The following KLF4 variants were observed in gnomAD, a reference collection of about 807,000 sequenced individuals.
The protein encoded by KLF4 is Krueppel-like factor 4.
Under a neutral mutation model 38.0 loss-of-function variants are expected in KLF4, and 14 were observed. The ratio of observed to expected loss-of-function variants is 0.37; its 90% CI spans 0.24 to 0.58. The LOEUF is 0.58. KLF4 is among the 20% of genes least tolerant of loss of function. The pLI is 0.76. For synonymous variants in KLF4, 398 were observed against 302.5 expected, an observed-to-expected ratio of 1.32 and a Z score of -3.28; for missense variants, 737 against 670.1, an observed-to-expected ratio of 1.10 and a Z score of -1.10.
chr9:107,486,269 G>A (rs1336111223), intron 4 of KLF4, among the ~76,000 whole-genome samples: 1 of 152,128 alleles, frequency 6.6e-6, no homozygotes, highest in Non-Finnish European at 1.5e-5. Context: ...TTTGGAAATT[G>A]TGATTGGTAG....
At position 107,489,221 on chromosome 9, in the gene KLF4, C is replaced by G; in HGVS notation, c.-49G>C. On this transcript the variant is annotated 5_prime_UTR_variant, in exon 1 of 5. Transcript: ENST00000374672. ...TCGGCAGCCCGAAGCAGCTGGGGCACCTGAACCCCAAAGTCAACGAAGAGA... is the reference window on the plus strand; with the variant it reads ...TCGGCAGCCCGAAGCAGCTGGGGCAGCTGAACCCCAAAGTCAACGAAGAGA... 2.1e-6 allele frequency: 3 copies of G among 1,450,898 alleles called. No individual in the cohort carries two copies. The highest frequency in any genetic ancestry group is 2.7e-6 in the Non-Finnish European group (3 of 1,099,332). 89.9% of individuals were successfully genotyped at this position (1,450,898 alleles called of 1,614,324 possible).
chr9:107,486,962 AGT>A, intron 4 of KLF4, 64 bp downstream of exon 4: 1 of 1,611,894 alleles, frequency 6.2e-7, no homozygotes, highest in Admixed American at 1.7e-5. Flanking sequence ...GGCACTGAGG[AGT>A]GTCCACTGGT....
chr9:107,488,313 T>G lies in KLF4; in HGVS notation c.127-46A>C. 6.6e-7 allele frequency: 1 copy of G among 1,511,632 alleles called. No homozygotes were observed. The highest frequency in any genetic ancestry group is 8.8e-7 in the Non-Finnish European group (1 of 1,133,888). The allele number at this position is 1,511,632 out of a possible 1,614,324, so 93.6% of individuals were successfully genotyped here. A position where few individuals can be genotyped will look rare whatever the true frequency, so the allele number is the denominator to read the frequency against. On this transcript the variant is annotated intron_variant, in intron 2 of 4. Coordinates refer to ENST00000374672, the MANE Select transcript of KLF4 (RefSeq NM_004235.6). This position sits in a 1 kb window ranked among gnomAD's most constrained non-coding sequence, Gnocchi z 5.7. ...AGACCTGTCAGTGGTGGTCCCCTGT[T>G]GCCACCCGACATACTGACGTGCTGG...
At position 107,489,323 on chromosome 9, in the gene KLF4, C is replaced by G. The variant is rs755216266; in HGVS notation, c.-151G>C. The G allele has an allele frequency of 3.6e-5, 40 of 1,113,070 alleles. No individual in the cohort carries two copies. Among genetic ancestry groups the G allele is most frequent in the Non-Finnish European group, 4.3e-5 (36 of 830,892 alleles). The allele number at this position is 1,113,070 out of a possible 1,614,324, so 68.9% of individuals were successfully genotyped here. On this transcript the variant is annotated 5_prime_UTR_variant, in exon 1 of 5. Transcript: ENST00000374672. ...TGGATTAAATATAACTTGGAAGCGT[C>G]TTTTTTAAAAAGTTCCTTTGTATAC...
rs1587922888 is a variant in KLF4, at chr9:107,488,807, G to A, written c.126+123C>T. On this transcript the variant is annotated intron_variant, in intron 2 of 4. Transcript: ENST00000374672. This position sits in a 1 kb window ranked among gnomAD's most constrained non-coding sequence, Gnocchi z 5.7. ...GAAGCTATCCCGGGAAGGTTGCGGA[G>A]TCCGCGCGGTGGCCGCTCCTTACCC... 2 of 1,347,656 alleles carry A rather than the reference G, an allele frequency of 1.5e-6. No homozygotes were observed. Among genetic ancestry groups the A allele is most frequent in the African/African-American group, 1.5e-5 (1 of 68,330 alleles). The allele number at this position is 1,347,656 out of a possible 1,614,324, so 83.5% of individuals were successfully genotyped here. A position where few individuals can be genotyped will look rare whatever the true frequency, so the allele number is the denominator to read the frequency against.
At position 107,485,958 on chromosome 9, in the gene KLF4, C is replaced by G. The variant is rs531866803; in HGVS notation, c.1265-32G>C. On this transcript the variant is annotated intron_variant, in intron 4 of 4. Coordinates refer to ENST00000374672, the MANE Select transcript of KLF4 (RefSeq NM_004235.6). The surrounding 1 kb of genome is among the most constrained non-coding windows in gnomAD (Gnocchi z 4.9). ...AGGTAAAAGAAAAAAAAAATTGACG[C>G]TATTGCTATATCAAAGAATCGCCCC... is the stretch of plus-strand genomic sequence containing the variant. 9 of 1,589,810 alleles carry G rather than the reference C, an allele frequency of 5.7e-6. No individual in the cohort carries two copies. Among genetic ancestry groups the G allele is most frequent in the Non-Finnish European group, 7.7e-6 (9 of 1,169,946 alleles).
In KLF4 at chr9:107,488,905, C is replaced by A; in HGVS notation, c.126+25G>T. The stretch of plus-strand genomic sequence containing the variant: ...CACCCACGAAAACCCACCGGGCGTT[C>A]CCGGCGGCCCGGAGCGATACTCACG... On this transcript the variant is annotated intron_variant, in intron 2 of 4. Transcript: ENST00000374672. The surrounding 1 kb of genome is among the most constrained non-coding windows in gnomAD (Gnocchi z 5.7). The A allele has an allele frequency of 6.5e-7, 1 of 1,545,162 alleles. No individual in the cohort carries two copies. Among genetic ancestry groups the A allele is most frequent in the Non-Finnish European group, 8.8e-7 (1 of 1,142,670 alleles).
At position 107,488,290 on chromosome 9, in the gene KLF4, A is replaced by G; in HGVS notation, c.127-23T>C. The G allele has an allele frequency of 6.4e-7, 1 of 1,564,830 alleles. No homozygotes were observed. The highest frequency in any genetic ancestry group is 8.6e-7 in the Non-Finnish European group (1 of 1,158,936). ...GCGCTGCGGGGACAGGGCGGGAGAG[A>G]CCTGTCAGTGGTGGTCCCCTGTTGC... On this transcript the variant is annotated intron_variant, in intron 2 of 4. Transcript: ENST00000374672. The surrounding 1 kb of genome is among the most constrained non-coding windows in gnomAD (Gnocchi z 5.7).
chr9:107,485,817 G>A lies in KLF4; in HGVS notation c.1374C>T (p.Cys458=). The A allele has an allele frequency of 6.2e-7, 1 of 1,609,026 alleles. No individual in the cohort carries two copies. Among genetic ancestry groups the A allele is most frequent in the Non-Finnish European group, 8.5e-7 (1 of 1,178,416 alleles). Residue 458 remains cysteine (C), a synonymous_variant, in exon 5 of 5, where the codon TGC becomes TGT. Transcript: ENST00000374672. The surrounding 1 kb of genome is among the most constrained non-coding windows in gnomAD (Gnocchi z 4.9). ...TGGAAAATGCTCGGTCGCATTTTTG[G>A]CACTGGAACGGGCGGTGCCCCGTGT... The part of the protein sequence containing the change: ...RKHTGHRPFQ[C]QKCDRAFSRS...
At position 107,488,697 on chromosome 9, in the gene KLF4, C is replaced by CG. The variant is rs1329482487; in HGVS notation, c.126+232dup. On this transcript the variant is annotated intron_variant, in intron 2 of 4. Transcript: ENST00000374672. This position sits in a 1 kb window ranked among gnomAD's most constrained non-coding sequence, Gnocchi z 5.7. ...GCGCCCGCCCTACCGACAGCGCGCC[C>CG]GGGGACTGGTGAAGACCCGGCTTGC... Among the ~76,000 whole-genome samples, 1 of 152,164 alleles carries CG rather than the reference C, an allele frequency of 6.6e-6. No homozygotes were observed. Among genetic ancestry groups the CG allele is most frequent in the Non-Finnish European group, 1.5e-5 (1 of 68,018 alleles).
In KLF4 at chr9:107,488,327, C is replaced by T. The variant is rs112583783; in HGVS notation, c.127-60G>A. On this transcript the variant is annotated intron_variant, in intron 2 of 4. Transcript: ENST00000374672. This position sits in a 1 kb window ranked among gnomAD's most constrained non-coding sequence, Gnocchi z 5.7. Reference sequence around the variant, plus strand: ...TGGTCCCCTGTTGCCACCCGACATACTGACGTGCTGGCGGGCCACGCGCGA... The same window carrying T: ...TGGTCCCCTGTTGCCACCCGACATATTGACGTGCTGGCGGGCCACGCGCGA... The T allele has an allele frequency of 8.4e-5, 124 of 1,481,654 alleles. No homozygotes were observed. The Middle Eastern group carries it at 2.0e-3, about 24-fold the overall frequency. The allele number at this position is 1,481,654 out of a possible 1,614,324, so 91.8% of individuals were successfully genotyped here. A position where few individuals can be genotyped will look rare whatever the true frequency, so the allele number is the denominator to read the frequency against.
chr9:107,485,676 T>C lies in KLF4; in HGVS notation c.*75A>G, dbSNP rs1564293329. The C allele has an allele frequency of 2.9e-6, 4 of 1,383,950 alleles. No homozygotes were observed. In the South Asian group the frequency reaches 6.1e-5, roughly 21 times the overall value. The allele number at this position is 1,383,950 out of a possible 1,614,324, so 85.7% of individuals were successfully genotyped here. A position where few individuals can be genotyped will look rare whatever the true frequency, so the allele number is the denominator to read the frequency against. ...CTTTCTGGCTGGGCTCCTTCCCTCA[T>C]CGGGAAGACAGTGTGAAAAGTAAAA... On this transcript the variant is annotated 3_prime_UTR_variant, in exon 5 of 5. Transcript: ENST00000374672. This position sits in a 1 kb window ranked among gnomAD's most constrained non-coding sequence, Gnocchi z 4.9.
rs757107209 is a variant in KLF4 at position 107,487,546 on chromosome 9, G to A, written c.848C>T (p.Ser283Phe). The A allele has an allele frequency of 2.6e-6, 4 of 1,566,944 alleles. No individual in the cohort carries two copies. Among genetic ancestry groups the A allele is most frequent in the East Asian group, 2.3e-5 (1 of 44,312 alleles). The change falls in exon 3 of 5, where the codon TCT becomes TTT. Residue 283 changes from serine to phenylalanine, a missense_variant. Around this residue, in one of 2 missense-constraint regions of KLF4, gnomAD observed 695 missense variants for 554.5 expected, o/e 1.25. Coordinates refer to ENST00000374672, the MANE Select transcript of KLF4 (RefSeq NM_004235.6). This position sits in a 1 kb window ranked among gnomAD's most constrained non-coding sequence, Gnocchi z 6.1. ...TCPKIKQEAV[S>F]SCTHLGAGPP... ...TCCAGCGCCCAAGTGGGTGCACGAAGAGACCGCCTCCTGCTTGATCTTGGG... is the reference window on the plus strand; with the variant it reads ...TCCAGCGCCCAAGTGGGTGCACGAAAAGACCGCCTCCTGCTTGATCTTGGG...
Position 107,488,960 on chromosome 9 carries a change from C to G in KLF4, c.96G>C (p.Lys32Asn). 6.4e-7 allele frequency: 1 copy of G among 1,563,248 alleles called. No individual in the cohort carries two copies. The highest frequency in any genetic ancestry group is 8.7e-7 in the Non-Finnish European group (1 of 1,153,312). ...TCGGGGCACCTGCTTGACGCAGTGT[C>G]TTCTCCCTTCCCGCCGGGCCAGACG... ...TFASGPAGRE[K>N]TLRQAGAPNN... is the part of the protein sequence containing the mutation. The change falls in exon 2 of 5, where the codon AAG becomes AAC. Residue 32 changes from lysine (K) to asparagine (N), a missense_variant. Coordinates refer to ENST00000374672, the MANE Select transcript of KLF4 (RefSeq NM_004235.6). The surrounding 1 kb of genome is among the most constrained non-coding windows in gnomAD (Gnocchi z 5.7).
Position 107,485,062 on chromosome 9 carries a change from G to A in KLF4, c.*689C>T, listed in dbSNP as rs1829036870. Reference sequence around the variant, plus strand: ...AAGGCATACTTGGGAATAAACCATTGTACAAATTATTGCACATCTGAAACC... The same window carrying A: ...AAGGCATACTTGGGAATAAACCATTATACAAATTATTGCACATCTGAAACC... On this transcript the variant is annotated 3_prime_UTR_variant, in exon 5 of 5. Transcript: ENST00000374672. The surrounding 1 kb of genome is among the most constrained non-coding windows in gnomAD (Gnocchi z 4.9). 1 of 202,702 alleles carries A rather than the reference G, an allele frequency of 4.9e-6. No homozygotes were observed. 12.6% of individuals were successfully genotyped at this position (202,702 alleles called of 1,614,324 possible). A position where few individuals can be genotyped will look rare whatever the true frequency, so the allele number is the denominator to read the frequency against.
chr9:107,488,404 AG>A lies in KLF4; in HGVS notation c.127-138del. ...TCAGGCAGGAAGCACCCGGGAACCC[AG>A]GGCGCCAGCGCTGCAATCTCGGCCC... On this transcript the variant is annotated intron_variant, in intron 2 of 4. Transcript: ENST00000374672. The surrounding 1 kb of genome is among the most constrained non-coding windows in gnomAD (Gnocchi z 5.7). 7.1e-7 allele frequency: 1 copy of A among 1,408,082 alleles called. No homozygotes were observed. Among genetic ancestry groups the A allele is most frequent in the Non-Finnish European group, 9.3e-7 (1 of 1,075,906 alleles). The allele number at this position is 1,408,082 out of a possible 1,614,324, so 87.2% of individuals were successfully genotyped here. A position where few individuals can be genotyped will look rare whatever the true frequency, so the allele number is the denominator to read the frequency against.
chr9:107,484,868 TAG>T lies in KLF4; in HGVS notation c.*881_*882del. 5.4e-6 allele frequency: 1 copy of T among 185,332 alleles called. No homozygotes were observed. The highest frequency in any genetic ancestry group is 2.1e-3 in the Middle Eastern group (1 of 476). 11.5% of individuals were successfully genotyped at this position (185,332 alleles called of 1,614,324 possible). On this transcript the variant is annotated 3_prime_UTR_variant, in exon 5 of 5. Coordinates refer to ENST00000374672, the MANE Select transcript of KLF4 (RefSeq NM_004235.6). ...AAAACATTATTCAGATAAAATATTATAGGTTTATTTAAAACTTAATTCTCACC... is the reference window on the plus strand; with the variant it reads ...AAAACATTATTCAGATAAAATATTATGTTTATTTAAAACTTAATTCTCACC...
In KLF4 at chr9:107,487,445, G is replaced by A. The variant is rs1377189236; in HGVS notation, c.949C>T (p.Pro317Ser). 9 of 1,528,756 alleles carry A rather than the reference G, an allele frequency of 5.9e-6. No individual in the cohort carries two copies. Among genetic ancestry groups the A allele is most frequent in the Admixed American group, 2.1e-5 (1 of 47,036 alleles). The allele number at this position is 1,528,756 out of a possible 1,614,324, so 94.7% of individuals were successfully genotyped here. The change falls in exon 3 of 5, where the codon CCG (proline) becomes TCG (serine). Residue 317 changes from proline to serine, a missense_variant. Physicochemically the swap from Pro to Ser is moderately conservative, Grantham distance 74. Around this residue, in one of 2 missense-constraint regions of KLF4, gnomAD observed 695 missense variants for 554.5 expected, o/e 1.25. Transcript: ENST00000374672. The surrounding 1 kb of genome is among the most constrained non-coding windows in gnomAD (Gnocchi z 6.1). ...LGRQLPSRTT[P>S]TLGLEEVLSS... The stretch of plus-strand genomic sequence containing the variant: ...AGCACTTCCTCAAGACCCAGGGTCG[G>A]GGTAGTCCTGCTGGGGAGCTGCCGC...
rs1829136630 is a variant in KLF4 at position 107,488,770 on chromosome 9, G to T, written c.126+160C>A. Among the ~76,000 whole-genome samples the T allele has an allele frequency of 6.6e-6, 1 of 152,212 alleles. No individual in the cohort carries two copies. The highest frequency in any genetic ancestry group is 2.4e-5 in the African/African-American group (1 of 41,452). ...TCGCACCACGGGCATACACAGCTGAGCCAAGGACACGGAAGCTATCCCGGG... is the reference window on the plus strand; with the variant it reads ...TCGCACCACGGGCATACACAGCTGATCCAAGGACACGGAAGCTATCCCGGG... On this transcript the variant is annotated intron_variant, in intron 2 of 4. Coordinates refer to ENST00000374672, the MANE Select transcript of KLF4 (RefSeq NM_004235.6). This position sits in a 1 kb window ranked among gnomAD's most constrained non-coding sequence, Gnocchi z 5.7.
Sources: gnomAD v4.1 joint callset for allele counts (sites outside exome capture counted in the v4.1 genomes callset) on GRCh38, gnomAD v4.1.1 for gene constraint, gnomAD v4.1.1 regional missense constraint, Gnocchi (gnomAD v3.1) non-coding constraint, MANE v1.5 for transcripts, NCBI Gene and HGNC (gene_info 2026-07-23, HGNC 2026-07-21) for gene names.